PPP2R5D: variants seen among roughly 807,000 people sequenced by gnomAD.
PPP2R5D encodes serine/threonine-protein phosphatase 2A 56 kDa regulatory subunit delta isoform.
PPP2R5D carries 12 observed loss-of-function variants against 79.1 expected under a neutral mutation model. The ratio of observed to expected loss-of-function variants is 0.15; its 90% CI spans 0.10 to 0.25. The LOEUF is 0.25. Among genes scored for constraint, PPP2R5D ranks in the 10% least tolerant of loss-of-function variants. The pLI, the probability that PPP2R5D is intolerant of heterozygous loss-of-function variation, is 1.00. For synonymous variants in PPP2R5D, 277 were observed against 286.6 expected, an observed-to-expected ratio of 0.97 and a Z score of 0.34; for missense variants, 419 against 760.2, an observed-to-expected ratio of 0.55 and a Z score of 5.28.
chr6:43,009,580 A>G lies in PPP2R5D; in HGVS notation c.1379+131A>G. ...GGGCTGATGTCCCCTGCATGTTGAT[A>G]GGACCTTGAGGGGCTGACTGGAGCG... On this transcript the variant is annotated intron_variant, in intron 12 of 15. Coordinates refer to ENST00000485511, the MANE Select transcript of PPP2R5D (RefSeq NM_006245.4). The surrounding 1 kb of genome is among the most constrained non-coding windows in gnomAD (Gnocchi z 5.6). 1 of 1,281,612 alleles carries G rather than the reference A, an allele frequency of 7.8e-7. No homozygotes were observed. The highest frequency in any genetic ancestry group is 1.1e-6 in the Non-Finnish European group (1 of 922,294). 79.4% of individuals were successfully genotyped at this position (1,281,612 alleles called of 1,614,324 possible).
At chr6:43,002,057 T>C (rs1772257340) in intron 2 of PPP2R5D, among the ~76,000 whole-genome samples, 1 of 152,148 alleles carries the variant, frequency 6.6e-6, no homozygotes, top group Non-Finnish European at 1.5e-5. Flanking sequence ...GTGCAGACTT[T>C]CTGGATATTA....
rs1237789922 is a variant in PPP2R5D, at chr6:42,999,035, AAAAT to A, written c.106-7414_106-7411del. Among the ~76,000 whole-genome samples, 3 of 152,294 alleles carry A rather than the reference AAAAT, an allele frequency of 2.0e-5. No individual in the cohort carries two copies. In the South Asian group the frequency reaches 6.2e-4, roughly 32 times the overall value. On this transcript the variant is annotated intron_variant, in intron 2 of 15. Coordinates refer to ENST00000485511, the MANE Select transcript of PPP2R5D (RefSeq NM_006245.4). The stretch of plus-strand genomic sequence containing the variant: ...GGGTGGCAGAGTGAGACCCTGTCTC[AAAAT>A]AAATAAATAAATAGAGTCCCGAAGT...
chr6:43,000,006 G>GCTCACTGCAACCTCCGC (rs1298920210), intron 2 of PPP2R5D, among the ~76,000 whole-genome samples: 80 of 151,996 alleles, frequency 5.3e-4, no homozygotes, highest in African/African-American at 1.9e-3. Flanking sequence ...CGTGAGCTCG[G>GCTCACTGCAACCTCCGC]CTCACTGCAA....
In PPP2R5D at chr6:43,010,722, C is replaced by T. The variant is rs2150283318; in HGVS notation, c.1540C>T (p.Arg514Trp). Reference sequence around the variant, plus strand: ...GTGGCAAAAAATCGAGGAGCTGGCCCGGCTTAATCCCCAGGTGAGGTTTTC... The same window carrying T: ...GTGGCAAAAAATCGAGGAGCTGGCCTGGCTTAATCCCCAGGTGAGGTTTTC... ...EMWQKIEELA[R>W]LNPQYPMFRA... Residue 514 changes from arginine (R) to tryptophan (W), a missense_variant, in exon 14 of 16, where the codon CGG becomes TGG. Arg to Trp is a moderately radical substitution (Grantham distance 101). Around this residue, in one of 5 missense-constraint regions of PPP2R5D, gnomAD observed 196 missense variants for 424.5 expected, o/e 0.46. Coordinates refer to ENST00000485511, the MANE Select transcript of PPP2R5D (RefSeq NM_006245.4). The surrounding 1 kb of genome is among the most constrained non-coding windows in gnomAD (Gnocchi z 4.7). The T allele has an allele frequency of 6.2e-7, 1 of 1,613,942 alleles. No individual in the cohort carries two copies. Among genetic ancestry groups the T allele is most frequent in the Non-Finnish European group, 8.5e-7 (1 of 1,179,866 alleles).
At chr6:42,997,196 T>C (rs1275124706) in intron 2 of PPP2R5D, among the ~76,000 whole-genome samples, 19 of 151,686 alleles carry the variant, frequency 1.3e-4, no homozygotes, top group Non-Finnish European at 5.9e-5. Flanking sequence ...TTTATTTTTA[T>C]TTATTTATTT....
intron 2 of PPP2R5D, among the ~76,000 whole-genome samples, chr6:43,000,124 C>T (rs992582567): frequency 2.0e-5 from 3 of 149,886 alleles, no homozygotes; most frequent in African/African-American, 7.4e-5. Context: ...TTAGTAGAGA[C>T]GGGGTTTCAC....
In PPP2R5D at chr6:43,001,711, C is replaced by T. The variant is rs192822868; in HGVS notation, c.106-4752C>T. 8.6e-5 allele frequency among the ~76,000 whole-genome samples: 13 copies of T among 151,920 alleles called. No individual in the cohort carries two copies. The East Asian group carries it at 1.6e-3, about 18-fold the overall frequency. Reference sequence around the variant, plus strand: ...CAGCCTGGCTAACATGGTGAAATTCCGTCTCTACTAAAAATACGACAAAAA... The same window carrying T: ...CAGCCTGGCTAACATGGTGAAATTCTGTCTCTACTAAAAATACGACAAAAA... On this transcript the variant is annotated intron_variant, in intron 2 of 15. Transcript: ENST00000485511.
Position 43,010,400 on chromosome 6 carries a change from C to G in PPP2R5D, c.1380-68C>G. On this transcript the variant is annotated intron_variant, in intron 12 of 15. Transcript: ENST00000485511. The surrounding 1 kb of genome is among the most constrained non-coding windows in gnomAD (Gnocchi z 4.7). Reference sequence around the variant, plus strand: ...TAGCAGAGATACCCCTGTGAGAGAACAAATTGGGTTCCTCACGCTAAGGGC... The same window carrying G: ...TAGCAGAGATACCCCTGTGAGAGAAGAAATTGGGTTCCTCACGCTAAGGGC... 7.7e-7 allele frequency: 1 copy of G among 1,302,204 alleles called. No homozygotes were observed. The highest frequency in any genetic ancestry group is 1.1e-6 in the Non-Finnish European group (1 of 899,896). 80.7% of individuals were successfully genotyped at this position (1,302,204 alleles called of 1,614,324 possible).
At chr6:42,989,709 C>G in intron 2 of PPP2R5D, 21 bp downstream of exon 2, 1 of 1,605,382 alleles carries the variant, frequency 6.2e-7, no homozygotes, top group Non-Finnish European at 8.5e-7. Context: ...TAGGCGTAGC[C>G]TTAGATGTGG....
chr6:42,996,972 T>C (rs1278437792), intron 2 of PPP2R5D, among the ~76,000 whole-genome samples: 1 of 152,102 alleles, frequency 6.6e-6, no homozygotes, highest in Non-Finnish European at 1.5e-5. Context: ...AAATACTTTC[T>C]ATAGTGCTTA....
chr6:43,000,845 G>C lies in PPP2R5D; in HGVS notation c.106-5618G>C, dbSNP rs2150268908. 2.0e-5 allele frequency among the ~76,000 whole-genome samples: 3 copies of C among 152,320 alleles called. No individual in the cohort carries two copies. The East Asian group carries it at 5.8e-4, about 29-fold the overall frequency. On this transcript the variant is annotated intron_variant, in intron 2 of 15. Transcript: ENST00000485511. ...GCAGGACCTGAGAGCTTTGGCTCCT[G>C]GTCAACCAACCAACCAAACCTTCAT... is the stretch of plus-strand genomic sequence containing the variant.
rs753207646 is a variant in PPP2R5D at position 43,008,593 on chromosome 6, C to T, written c.1027-100C>T. 2.7e-6 allele frequency: 4 copies of T among 1,490,224 alleles called. No homozygotes were observed. Among genetic ancestry groups the T allele is most frequent in the Non-Finnish European group, 3.7e-6 (4 of 1,070,786 alleles). 92.3% of individuals were successfully genotyped at this position (1,490,224 alleles called of 1,614,324 possible). On this transcript the variant is annotated intron_variant, in intron 9 of 15. Coordinates refer to ENST00000485511, the MANE Select transcript of PPP2R5D (RefSeq NM_006245.4). This position sits in a 1 kb window ranked among gnomAD's most constrained non-coding sequence, Gnocchi z 4.2. ...GAGCAGGTGGGATAATTCCTTCCCTCCATCTCCCCTTCCCTTCTGGGATCT... is the reference window on the plus strand; with the variant it reads ...GAGCAGGTGGGATAATTCCTTCCCTTCATCTCCCCTTCCCTTCTGGGATCT...
chr6:42,993,548 G>A (rs991389072), intron 2 of PPP2R5D, among the ~76,000 whole-genome samples: 14 of 152,162 alleles, frequency 9.2e-5, no homozygotes, highest in East Asian at 1.9e-4. Flanking sequence ...AATTAGTGTC[G>A]GCAGGGCCAT....
Position 43,011,017 on chromosome 6 carries a change from G to T in PPP2R5D, c.1671+20G>T, listed in dbSNP as rs766604336. On this transcript the variant is annotated intron_variant, in intron 15 of 15. Transcript: ENST00000485511. The stretch of plus-strand genomic sequence containing the variant: ...GTTCAGGTGGGAGGGCAATGTAGGG[G>T]GATGGAGCAGAAATAATAGCTCTGG... 2 of 1,610,280 alleles carry T rather than the reference G, an allele frequency of 1.2e-6. No homozygotes were observed. Among genetic ancestry groups the T allele is most frequent in the African/African-American group, 2.7e-5 (2 of 74,816 alleles).
intron 2 of PPP2R5D, among the ~76,000 whole-genome samples, chr6:42,993,901 T>G (rs1771452126): frequency 6.6e-6 from 1 of 152,212 alleles, no homozygotes; most frequent in Non-Finnish European, 1.5e-5. Context: ...TGCAACACTA[T>G]GTACCAGGCA....
In PPP2R5D at chr6:43,007,659, A is replaced by C. The variant is rs191252481; in HGVS notation, c.726+153A>C. The stretch of plus-strand genomic sequence containing the variant: ...TAAAGGGTAAAAAACAAAACAAAAC[A>C]AAACCCTACTCTGGCCTTAAGAAAC... On this transcript the variant is annotated intron_variant, in intron 6 of 15. Coordinates refer to ENST00000485511, the MANE Select transcript of PPP2R5D (RefSeq NM_006245.4). The surrounding 1 kb of genome is among the most constrained non-coding windows in gnomAD (Gnocchi z 4.5). 1.4e-4 allele frequency among the ~76,000 whole-genome samples: 22 copies of C among 152,304 alleles called. 1 individual carries two copies. Among genetic ancestry groups the C allele is most frequent in the Admixed American group, 5.2e-4 (8 of 15,294 alleles).
At chr6:42,998,048 T>TATATATAC (rs1771896277) in intron 2 of PPP2R5D, among the ~76,000 whole-genome samples, 2 of 28,822 alleles carry the variant, frequency 6.9e-5, no homozygotes, top group African/African-American at 2.1e-4. Context: ...TATATATATA[T>TATATATAC]ATATATATAT....
chr6:42,996,497 C>T (rs1345438743), intron 2 of PPP2R5D, among the ~76,000 whole-genome samples: 2 of 151,244 alleles, frequency 1.3e-5, no homozygotes, highest in Non-Finnish European at 3.0e-5. Context: ...AAATAAGGGC[C>T]AAAAAAGAAA....
chr6:42,984,664 C>A lies in PPP2R5D; in HGVS notation c.-14C>A, dbSNP rs760520683. On this transcript the variant is annotated 5_prime_UTR_variant, in exon 1 of 16. Transcript: ENST00000485511. The stretch of plus-strand genomic sequence containing the variant: ...CGGGGCCGCAGGAGACGGGCCGGGT[C>A]CGGACGGGCCGAGATGCCCTATAAA... 1.9e-6 allele frequency: 3 copies of A among 1,602,228 alleles called. No individual in the cohort carries two copies. In the South Asian group the frequency reaches 3.4e-5, roughly 18 times the overall value.
Sources: allele counts gnomAD v4.1 joint callset (sites outside exome capture counted in the v4.1 genomes callset), GRCh38; gene constraint gnomAD v4.1.1; regional missense constraint gnomAD v4.1.1; non-coding constraint Gnocchi (gnomAD v3.1); transcripts MANE v1.5; gene names NCBI Gene and HGNC (gene_info 2026-07-23, HGNC 2026-07-21).